ACACB: variants seen among roughly 807,000 people sequenced by gnomAD.
ACACB encodes the protein acetyl-CoA carboxylase 2.
ACACB carries 209 observed loss-of-function variants against 278.8 expected under a neutral mutation model. That is an observed-to-expected ratio of 0.75 (90% CI 0.67 to 0.84). The LOEUF (loss-of-function observed/expected upper bound fraction) is 0.84, where lower values mean the gene tolerates loss of function less well. Among genes scored for constraint, ACACB ranks in the 40% least tolerant of loss-of-function variants. ACACB has a pLI of 0.00. For missense variants in ACACB, 2,850 were observed against 3,269.0 expected (o/e 0.87, Z 3.13); for synonymous variants, 1,174 against 1,285.6 (o/e 0.91, Z 1.86).
intron 19 of ACACB, among the ~76,000 whole-genome samples, 161 bp from the exon 20 acceptor site, chr12:109,206,549 G>A (rs1200544252): frequency 1.3e-5 from 2 of 152,056 alleles, no homozygotes; most frequent in African/African-American, 4.8e-5. Flanking sequence ...TGTGAGTTTG[G>A]CCGTTTTAAC....
At position 109,139,651 on chromosome 12, in the gene ACACB, C is replaced by T. The variant is rs757194840; in HGVS notation, c.246C>T (p.Pro82=). The T allele has an allele frequency of 6.2e-7, 1 of 1,614,162 alleles. No homozygotes were observed. The highest frequency in any genetic ancestry group is 1.1e-5 in the South Asian group (1 of 91,076). ...SQAEPASHKG[P]KDAGRRRNSL... ...CCGAGCCAGCCTCCCACAAAGGCCC[C>T]AAAGATGCCGGTCGGCGGAGAAACT... is the stretch of plus-strand genomic sequence containing the variant. The change falls in exon 2 of 53, where the codon CCC becomes CCT. Residue 82 remains proline, a synonymous_variant. Transcript: ENST00000338432.
chr12:109,251,641 T>C (rs1409913950), intron 41 of ACACB, among the ~76,000 whole-genome samples: 1 of 152,192 alleles, frequency 6.6e-6, no homozygotes, highest in Admixed American at 6.5e-5. Flanking sequence ...GAAACTGACA[T>C]TGGCACAATA....
chr12:109,187,596 A>G (rs2044708548), intron 12 of ACACB, among the ~76,000 whole-genome samples: 2 of 151,858 alleles, frequency 1.3e-5, no homozygotes, highest in South Asian at 4.2e-4. Flanking sequence ...AGTAGCTGGG[A>G]CTACAGGTGT....
In ACACB at chr12:109,254,899, C is replaced by T. The variant is rs540045527; in HGVS notation, c.6166+565C>T. ...AAGTGATTCTCCTGACTCAGTCTAC[C>T]GAGTAGCTGGGATTACAGGTGCCTG... On this transcript the variant is annotated intron_variant, in intron 44 of 52. Coordinates refer to ENST00000338432, the MANE Select transcript of ACACB (RefSeq NM_001093.4). 7.9e-5 allele frequency among the ~76,000 whole-genome samples: 12 copies of T among 152,046 alleles called. No individual in the cohort carries two copies. In the South Asian group the frequency reaches 1.2e-3, roughly 16 times the overall value.
At chr12:109,234,180 C>T in intron 31 of ACACB, 135 bp downstream of exon 31, 1 of 719,116 alleles carries the variant, frequency 1.4e-6, no homozygotes, top group Non-Finnish European at 2.4e-6. Context: ...CACTCTAGCT[C>T]TGCTCGCCTC....
intron 29 of ACACB, among the ~76,000 whole-genome samples, chr12:109,233,500 A>G (rs1368512584): frequency 6.6e-6 from 1 of 152,188 alleles, no homozygotes; most frequent in Non-Finnish European, 1.5e-5. Context: ...AAGCGCTGGA[A>G]TCCTTCCCTG....
intron 31 of ACACB, among the ~76,000 whole-genome samples, 167 bp from the exon 32 acceptor site, chr12:109,235,146 T>G (rs7138373): frequency 0.31 from 47,773 of 152,004 alleles, 7,901 homozygotes; most frequent in Admixed American, 0.41. Context: ...ATTTGCCTAT[T>G]CTGGACGTTT....
chr12:109,215,957 C>T (rs1011841793), intron 22 of ACACB, among the ~76,000 whole-genome samples: 9 of 151,834 alleles, frequency 5.9e-5, no homozygotes, highest in Admixed American at 3.3e-4. Context: ...CTACCACTCC[C>T]GGCTAATTTT....
chr12:109,168,097 C>G, intron 4 of ACACB, 63 bp downstream of exon 4: 1 of 1,540,884 alleles, frequency 6.5e-7, no homozygotes, highest in Non-Finnish European at 8.8e-7. Context: ...CGCCTCCTTC[C>G]CCTGTGCCTA....
intron 29 of ACACB, 107 bp downstream of exon 29, chr12:109,232,913 C>T: frequency 7.5e-7 from 1 of 1,325,596 alleles, no homozygotes; most frequent in Admixed American, 2.1e-5. Flanking sequence ...GAGACCCAGA[C>T]ACGTGGCACA....
intron 28 of ACACB, among the ~76,000 whole-genome samples, chr12:109,228,689 C>T (rs1383656951): frequency 2.0e-5 from 3 of 151,510 alleles, no homozygotes; most frequent in Admixed American, 6.6e-5. Flanking sequence ...TTCAGCTTCT[C>T]AGTCATACTG....
At position 109,190,003 on chromosome 12, in the gene ACACB, C is replaced by T. The variant is rs536408570; in HGVS notation, c.2145-1610C>T. Among the ~76,000 whole-genome samples, 62 of 152,116 alleles carry T rather than the reference C, an allele frequency of 4.1e-4. No individual in the cohort carries two copies. The Middle Eastern group carries it at 0.027, about 67-fold the overall frequency. On this transcript the variant is annotated intron_variant, in intron 13 of 52. Coordinates refer to ENST00000338432, the MANE Select transcript of ACACB (RefSeq NM_001093.4). ...GTGGCCATCTGTAATCCCAGCTACT[C>T]GGGAGGCTGAGGCAGGAGAATTGCT...
chr12:109,194,242 C>A (rs1006852357), intron 16 of ACACB, among the ~76,000 whole-genome samples: 2 of 152,054 alleles, frequency 1.3e-5, no homozygotes, highest in Admixed American at 1.3e-4. Flanking sequence ...GTCACCCAGG[C>A]TGGAGTGCAG....
intron 33 of ACACB, chr12:109,235,997 T>A (rs2046622874): frequency 5.2e-6 from 1 of 193,264 alleles, no homozygotes; most frequent in Non-Finnish European, 1.1e-5. Flanking sequence ...AGACTCTGTC[T>A]CAAAAAAAAG....
intron 15 of ACACB, among the ~76,000 whole-genome samples, chr12:109,193,028 T>C (rs2044950857): frequency 6.6e-6 from 1 of 152,328 alleles, no homozygotes; most frequent in Admixed American, 6.5e-5. Flanking sequence ...CCTGCTCTGG[T>C]TTCTTTCATA....
Position 109,266,252 on chromosome 12 carries a change from C to T in ACACB, c.7267C>T (p.Pro2423Ser). The T allele has an allele frequency of 1.2e-6, 2 of 1,613,084 alleles. No homozygotes were observed. Among genetic ancestry groups the T allele is most frequent in the Non-Finnish European group, 1.7e-6 (2 of 1,179,618 alleles). Residue 2423 changes from proline to serine, a missense_variant, in exon 53 of 53, where the codon CCC (proline) becomes TCC (serine). Pro to Ser is a moderately conservative substitution (Grantham distance 74). Transcript: ENST00000338432. ...CCCCCACAGCCTGGTTGAAGAAAAC[C>T]CCGAGGTGGCCGTGGACTGTGTGAT... is the stretch of plus-strand genomic sequence containing the variant. The part of the protein sequence containing the change: ...KTIRGLVEEN[P>S]EVAVDCVIYL...
At chr12:109,262,278 C>G in intron 48 of ACACB, 79 bp from the exon 49 acceptor site, 4 of 1,144,626 alleles carry the variant, frequency 3.5e-6, no homozygotes, top group Non-Finnish European at 5.2e-6. Flanking sequence ...CTCTTCCCTC[C>G]AGCTCCCCCC....
intron 29 of ACACB, 107 bp downstream of exon 29, chr12:109,232,913 C>A (rs2046516863): frequency 1.1e-5 from 14 of 1,325,592 alleles, no homozygotes; most frequent in Non-Finnish European, 1.5e-5. Context: ...GAGACCCAGA[C>A]ACGTGGCACA....
chr12:109,120,409 C>G (rs2042516944), intron 1 of ACACB, among the ~76,000 whole-genome samples: 1 of 152,174 alleles, frequency 6.6e-6, no homozygotes, highest in Non-Finnish European at 1.5e-5. Flanking sequence ...TCATAGCCAC[C>G]TCTTGCAAAA....
Sources: gnomAD v4.1 joint callset for allele counts (sites outside exome capture counted in the v4.1 genomes callset) on GRCh38, gnomAD v4.1.1 for gene constraint, MANE v1.5 for transcripts, NCBI Gene and HGNC (gene_info 2026-07-23, HGNC 2026-07-21) for gene names.